Variants in ADGRD1 observed in about 807,000 individuals in gnomAD.
ADGRD1 encodes the protein adhesion G protein-coupled receptor D1, also known as G-protein coupled receptor 133.
Under a neutral mutation model 113.4 loss-of-function variants are expected in ADGRD1, and 77 were observed. That is an observed-to-expected ratio of 0.68 (90% confidence interval 0.57 to 0.82). The LOEUF (loss-of-function observed/expected upper bound fraction) is 0.82. Ranked by LOEUF, ADGRD1 falls within the 40% of genes least tolerant of loss-of-function variation. The probability of loss-of-function intolerance (pLI) is 0.00; values close to 1 mark genes in which losing one functional copy is unlikely to be tolerated. For missense variants in ADGRD1, 1,036 were observed against 1,139.1 expected (o/e 0.91, Z 1.30); for synonymous variants, 474 against 475.0 (o/e 1.00, Z 0.03).
In ADGRD1 at chr12:131,000,801, C is replaced by T. The variant is rs1365213639; in HGVS notation, c.1026+359C>T. On this transcript the variant is annotated intron_variant, in intron 9 of 24. Coordinates refer to ENST00000261654, the MANE Select transcript of ADGRD1 (RefSeq NM_198827.5). ...GAAAAGAACATTTTGATCTTCAAAA[C>T]GTATGTGCCTCGGGAACCATTTTGT... 5.4e-5 allele frequency among the ~76,000 whole-genome samples: 8 copies of T among 149,406 alleles called. No homozygotes were observed. In the South Asian group the frequency reaches 6.4e-4, roughly 12 times the overall value.
intron 15 of ADGRD1, among the ~76,000 whole-genome samples, chr12:131,088,778 AG>A (rs1184450330): frequency 6.6e-6 from 1 of 152,180 alleles, no homozygotes; most frequent in Non-Finnish European, 1.5e-5. Context: ...GCAGATGACC[AG>A]GGTTGCCCCA....
intron 13 of ADGRD1, among the ~76,000 whole-genome samples, chr12:131,029,150 G>A (rs1456860552): frequency 1.3e-5 from 2 of 152,232 alleles, no homozygotes; most frequent in African/African-American, 2.4e-5. Context: ...CCAGTGGAGT[G>A]TTTGTTTTGT....
Position 131,096,575 on chromosome 12 carries a change from C to T in ADGRD1, c.1672-8256C>T, listed in dbSNP as rs923789748. ...CAGCAAATAACCAGCATCCTATGCA[C>T]ACATCCCGCCTCCATCTGTGAGGAT... is the stretch of plus-strand genomic sequence containing the variant. On this transcript the variant is annotated intron_variant, in intron 15 of 24. Coordinates refer to ENST00000261654, the MANE Select transcript of ADGRD1 (RefSeq NM_198827.5). The surrounding 1 kb of genome is among the most constrained non-coding windows in gnomAD (Gnocchi z 5.2). 6.6e-6 allele frequency among the ~76,000 whole-genome samples: 1 copy of T among 152,168 alleles called. No individual in the cohort carries two copies. The highest frequency in any genetic ancestry group is 2.4e-5 in the African/African-American group (1 of 41,448).
At chr12:131,137,035 G>A (rs1285495531) in intron 23 of ADGRD1, 21 bp downstream of exon 23, 2 of 1,599,186 alleles carry the variant, frequency 1.3e-6, no homozygotes, top group Admixed American at 3.3e-5. Context: ...TCTGCTTGCT[G>A]GCAGGTGCAG....
At chr12:131,071,586 G>T (rs1885173539) in intron 13 of ADGRD1, among the ~76,000 whole-genome samples, 2 of 152,184 alleles carry the variant, frequency 1.3e-5, no homozygotes, top group South Asian at 4.1e-4. Flanking sequence ...CCCAAGGATG[G>T]AACCTCTCCA....
At chr12:131,033,365 C>T (rs535369186) in intron 13 of ADGRD1, among the ~76,000 whole-genome samples, 16 of 152,336 alleles carry the variant, frequency 1.1e-4, no homozygotes, top group Admixed American at 1.0e-3. Context: ...ACAAGCACTG[C>T]CCAAGCACCA....
At chr12:130,955,837 G>A (rs1206268488) in intron 2 of ADGRD1, among the ~76,000 whole-genome samples, 4 of 152,092 alleles carry the variant, frequency 2.6e-5, no homozygotes, top group Admixed American at 6.5e-5. Flanking sequence ...GGCTGGAGTT[G>A]AGTGGTGAGA....
chr12:130,987,290 T>C lies in ADGRD1; in HGVS notation c.686T>C (p.Ile229Thr). Residue 229 changes from isoleucine (I) to threonine (T), a missense_variant, in exon 6 of 25, where the codon ATC (isoleucine) becomes ACC (threonine). Physicochemically the swap from Ile to Thr is moderately conservative, Grantham distance 89. Coordinates refer to ENST00000261654, the MANE Select transcript of ADGRD1 (RefSeq NM_198827.5). ...GAGAACGGTGCTTTCGATGAGTTCA[T>C]CATCTGGGAGCGGGCTCTGACTCCG... ...CYENGAFDEF[I>T]IWERALTPDE... is the part of the protein sequence containing the mutation. 6.2e-7 allele frequency: 1 copy of C among 1,614,202 alleles called. No homozygotes were observed. Among genetic ancestry groups the C allele is most frequent in the East Asian group, 2.2e-5 (1 of 44,876 alleles).
At chr12:130,977,094 T>C (rs1362548862) in intron 4 of ADGRD1, 3 of 152,296 alleles carry the variant, frequency 2.0e-5, no homozygotes, top group Non-Finnish European at 1.5e-5. Context: ...TCTCTTAAAA[T>C]ATGAGAACTG....
In ADGRD1 at chr12:131,075,191, T is replaced by TA. The variant is rs35763444; in HGVS notation, c.1474-1604dup. 1.3e-5 allele frequency among the ~76,000 whole-genome samples: 2 copies of TA among 152,198 alleles called. No homozygotes were observed. The highest frequency in any genetic ancestry group is 2.9e-5 in the Non-Finnish European group (2 of 68,036). On this transcript the variant is annotated intron_variant, in intron 13 of 24. Transcript: ENST00000261654. This position sits in a 1 kb window ranked among gnomAD's most constrained non-coding sequence, Gnocchi z 5.3. The stretch of plus-strand genomic sequence containing the variant: ...GTAACACACAAATACGCCTCCTTGT[T>TA]AAAAAATTACATATAACGCTGTCTG...
chr12:131,049,678 G>A (rs979538140), intron 13 of ADGRD1, among the ~76,000 whole-genome samples: 31 of 152,204 alleles, frequency 2.0e-4, no homozygotes, highest in Admixed American at 5.2e-4. Context: ...GCTTTCAAGT[G>A]TGTGCTGCCG....
At chr12:131,026,422 A>C (rs531123891) in intron 13 of ADGRD1, 1 of 152,134 alleles carries the variant, frequency 6.6e-6, no homozygotes, top group Admixed American at 6.6e-5. Flanking sequence ...CTCTCAGGGC[A>C]TTGGAAGGGA....
At chr12:131,006,088 G>A (rs113024418) in intron 12 of ADGRD1, 41 bp downstream of exon 12, 25 of 1,563,722 alleles carry the variant, frequency 1.6e-5, no homozygotes, top group Middle Eastern at 1.7e-4. Context: ...GTGGGTGTGC[G>A]TGGGTTTGCT....
intron 4 of ADGRD1, among the ~76,000 whole-genome samples, chr12:130,980,006 C>A (rs1044258112): frequency 7.2e-5 from 11 of 152,220 alleles, no homozygotes; most frequent in African/African-American, 2.2e-4. Flanking sequence ...CCCTGACTTC[C>A]CCTTCAGCAG....
At chr12:131,061,618 G>C (rs1399589278) in intron 13 of ADGRD1, among the ~76,000 whole-genome samples, 2 of 152,154 alleles carry the variant, frequency 1.3e-5, no homozygotes, top group African/African-American at 4.8e-5. Context: ...GTTTCCCCCA[G>C]TGATTACAAA....
At chr12:131,058,806 T>C (rs1400860913) in intron 13 of ADGRD1, among the ~76,000 whole-genome samples, 1 of 152,234 alleles carries the variant, frequency 6.6e-6, no homozygotes, top group Non-Finnish European at 1.5e-5. Flanking sequence ...TCTTTGTCTT[T>C]GGTTTTCAGA....
chr12:131,034,453 C>T (rs1881160692), intron 13 of ADGRD1, among the ~76,000 whole-genome samples: 1 of 152,220 alleles, frequency 6.6e-6, no homozygotes, highest in South Asian at 2.1e-4. Flanking sequence ...TCCTGGAAGG[C>T]GGCACTGTCT....
chr12:131,130,703 C>T (rs1005935616), intron 20 of ADGRD1, among the ~76,000 whole-genome samples: 11 of 152,170 alleles, frequency 7.2e-5, no homozygotes, highest in African/African-American at 2.2e-4. Flanking sequence ...TGCGGAACAG[C>T]GATGCTGGCC....
rs771658695 is a variant in ADGRD1, at chr12:130,987,160, G to A, written c.556G>A (p.Gly186Arg). Residue 186 changes from glycine (G) to arginine (R), a missense_variant, in exon 6 of 25, where the codon GGG (glycine) becomes AGG (arginine). Gly to Arg is a moderately radical substitution (Grantham distance 125). Transcript: ENST00000261654. ...GGAGGGCCTGAAAGTCTACGTCAAC[G>A]GGACCCTGAGCACCTCTGATCCGAG... is the stretch of plus-strand genomic sequence containing the variant. ...SKEGLKVYVN[G>R]TLSTSDPSGK... is the part of the protein sequence containing the mutation. The A allele has an allele frequency of 6.2e-6, 10 of 1,613,922 alleles. No individual in the cohort carries two copies. Among genetic ancestry groups the A allele is most frequent in the South Asian group, 3.3e-5 (3 of 91,082 alleles).
Sources: allele counts gnomAD v4.1 joint callset (sites outside exome capture counted in the v4.1 genomes callset), GRCh38; gene constraint gnomAD v4.1.1; non-coding constraint Gnocchi (gnomAD v3.1); transcripts MANE v1.5; gene names NCBI Gene and HGNC (gene_info 2026-07-23, HGNC 2026-07-21).